Variants in MCC observed in about 807,000 individuals in gnomAD.
MCC encodes colorectal mutant cancer protein.
In MCC, 90 loss-of-function variants were observed where a neutral mutation model predicts 116.2. The observed-to-expected ratio is 0.77, with a 90% CI of 0.65 to 0.92. The LOEUF (loss-of-function observed/expected upper bound fraction) is 0.92, where lower values mean the gene tolerates loss of function less well. Among genes scored for constraint, MCC ranks in the 40% least tolerant of loss-of-function variants. MCC has a pLI of 0.00. For synonymous variants in MCC, 578 were observed against 510.5 expected (o/e 1.13, Z -1.78); for missense variants, 1,516 against 1,312.2 (o/e 1.16, Z -2.40).
chr5:113,188,136 A>T (rs911949185), intron 3 of MCC, among the ~76,000 whole-genome samples: 1 of 152,234 alleles, frequency 6.6e-6, no homozygotes, highest in African/African-American at 2.4e-5. Flanking sequence ...CTCAGATGGT[A>T]CTGAAACAAC....
At chr5:113,080,878 T>C (rs1345629564) in intron 11 of MCC, among the ~76,000 whole-genome samples, 2 of 151,824 alleles carry the variant, frequency 1.3e-5, no homozygotes, top group Non-Finnish European at 2.9e-5. Flanking sequence ...TGGTGTCCTA[T>C]TTATTTCCTT....
chr5:113,294,240 G>T, intron 3 of MCC: 1 of 1,548,080 alleles, frequency 6.5e-7, no homozygotes, highest in Non-Finnish European at 8.9e-7. Context: ...GGGATAGGGT[G>T]TAGGGCTGTG....
At chr5:113,270,665 C>T (rs1160587715) in intron 3 of MCC, among the ~76,000 whole-genome samples, 1 of 146,324 alleles carries the variant, frequency 6.8e-6, no homozygotes, top group African/African-American at 2.6e-5. Context: ...ACTTTTTTAG[C>T]ATACTAGATG....
At chr5:113,126,098 A>G (rs1758034730) in intron 5 of MCC, among the ~76,000 whole-genome samples, 1 of 152,220 alleles carries the variant, frequency 6.6e-6, no homozygotes, top group Non-Finnish European at 1.5e-5. Context: ...AACTCACAGG[A>G]TTCCAAATGC....
intron 2 of MCC, among the ~76,000 whole-genome samples, chr5:113,365,203 G>A (rs1439622932): frequency 5.3e-5 from 8 of 152,028 alleles, no homozygotes; most frequent in Admixed American, 4.6e-4. Context: ...ACACATATGA[G>A]CATAGGCTGT....
intron 1 of MCC, chr5:113,433,177 C>A (rs71577448): frequency 1.7e-5 from 3 of 174,760 alleles, no homozygotes; most frequent in East Asian, 1.8e-4. Flanking sequence ...GGAGTCGGAG[C>A]CCCCGAGGCT....
chr5:113,083,495 GCTCT>G (rs1755001047), intron 10 of MCC, among the ~76,000 whole-genome samples: 2 of 152,246 alleles, frequency 1.3e-5, no homozygotes, highest in South Asian at 4.2e-4. Context: ...TGCTATTCAG[GCTCT>G]CTCTGCCTCT....
At chr5:113,482,650 T>A (rs1772409945) in intron 1 of MCC, among the ~76,000 whole-genome samples, 1 of 152,230 alleles carries the variant, frequency 6.6e-6, no homozygotes, top group African/African-American at 2.4e-5. Context: ...TTCTAAATAC[T>A]AGTCCTTTAT....
chr5:113,123,744 A>G (rs577980724), intron 5 of MCC, among the ~76,000 whole-genome samples: 19 of 152,286 alleles, frequency 1.2e-4, no homozygotes, highest in Middle Eastern at 3.4e-3. Flanking sequence ...TGAAGGATCT[A>G]TTTTGCAAGT....
intron 3 of MCC, among the ~76,000 whole-genome samples, chr5:113,182,639 C>T (rs1465246920): frequency 6.6e-6 from 1 of 152,156 alleles, no homozygotes; most frequent in Non-Finnish European, 1.5e-5. Flanking sequence ...CATGAAGATA[C>T]TCACAGGGAA....
intron 2 of MCC, among the ~76,000 whole-genome samples, chr5:113,376,574 T>TACACACAC (rs1554079796): frequency 0.11 from 16,482 of 145,720 alleles, 973 homozygotes; most frequent in Non-Finnish European, 0.14. Context: ...CCATATTTTA[T>TACACACAC]ACACACACAC....
At chr5:113,047,853 T>A (rs1580920823) in intron 16 of MCC, among the ~76,000 whole-genome samples, 1 of 146,728 alleles carries the variant, frequency 6.8e-6, no homozygotes. Context: ...AAAAAACACC[T>A]GGGGGCTGAT....
At chr5:113,447,478 A>G (rs1157378657) in intron 1 of MCC, among the ~76,000 whole-genome samples, 1 of 152,188 alleles carries the variant, frequency 6.6e-6, no homozygotes, top group Non-Finnish European at 1.5e-5. Context: ...ATCTCTCCCT[A>G]TACAGTGATC....
At chr5:113,185,639 G>T (rs758181940) in intron 3 of MCC, among the ~76,000 whole-genome samples, 7 of 152,198 alleles carry the variant, frequency 4.6e-5, no homozygotes, top group Non-Finnish European at 1.0e-4. Context: ...AAACTCAGCA[G>T]TCTAGGAGCA....
intron 3 of MCC, among the ~76,000 whole-genome samples, chr5:113,232,474 A>G (rs1300141454): frequency 6.6e-6 from 1 of 152,154 alleles, no homozygotes; most frequent in Non-Finnish European, 1.5e-5. Flanking sequence ...GCTTTCAGGC[A>G]TCTCCAAACA....
intron 2 of MCC, among the ~76,000 whole-genome samples, chr5:113,378,727 C>T (rs559911295): frequency 2.0e-5 from 3 of 152,284 alleles, no homozygotes; most frequent in African/African-American, 7.2e-5. Flanking sequence ...CTGCCCCTTT[C>T]ACATAATTCA....
chr5:113,358,727 G>T (rs1297772231), intron 2 of MCC, among the ~76,000 whole-genome samples: 1 of 152,144 alleles, frequency 6.6e-6, no homozygotes, highest in African/African-American at 2.4e-5. Flanking sequence ...CAAATTGGCT[G>T]CCAGGTGTCA....
At position 113,083,063 on chromosome 5, in the gene MCC, T is replaced by A. The variant is rs1258614301; in HGVS notation, c.1636-55A>T. 6 of 1,515,626 alleles carry A rather than the reference T, an allele frequency of 4.0e-6. No homozygotes were observed. The Admixed American group carries it at 1.2e-4, about 29-fold the overall frequency. The allele number at this position is 1,515,626 out of a possible 1,614,324, so 93.9% of individuals were successfully genotyped here. A position where few individuals can be genotyped will look rare whatever the true frequency, so the allele number is the denominator to read the frequency against. ...GAACATATCATTTCAGAGATGCATG[T>A]TTTGCATGCAAAAGAATTTAAAGCT... On this transcript the variant is annotated intron_variant, in intron 10 of 18. Coordinates refer to ENST00000408903, the MANE Select transcript of MCC (RefSeq NM_001085377.2).
At chr5:113,288,359 A>G (rs987120277) in intron 3 of MCC, among the ~76,000 whole-genome samples, 1 of 152,228 alleles carries the variant, frequency 6.6e-6, no homozygotes, top group Non-Finnish European at 1.5e-5. Flanking sequence ...CAAGTATTGT[A>G]ACATCAATCT....
Sources: gnomAD v4.1 joint callset for allele counts (sites outside exome capture counted in the v4.1 genomes callset) on GRCh38, gnomAD v4.1.1 for gene constraint, MANE v1.5 for transcripts, NCBI Gene and HGNC (gene_info 2026-07-23, HGNC 2026-07-21) for gene names.